The following KCNJ6 variants were observed in gnomAD, a reference collection of about 807,000 sequenced individuals.
KCNJ6 encodes the protein G protein-activated inward rectifier potassium channel 2.
In KCNJ6, 9 loss-of-function variants were observed where a neutral mutation model predicts 34.2. The ratio of observed to expected loss-of-function variants is 0.26; its 90% CI spans 0.16 to 0.46. The LOEUF is 0.46. Among genes scored for constraint, KCNJ6 ranks in the 20% least tolerant of loss-of-function variants. The probability of loss-of-function intolerance (pLI) is 1.00; values close to 1 mark genes in which losing one functional copy is unlikely to be tolerated. For synonymous variants in KCNJ6, 196 were observed against 207.1 expected, an observed-to-expected ratio of 0.95 and a Z score of 0.46; for missense variants, 236 against 531.3, an observed-to-expected ratio of 0.44 and a Z score of 5.46.
At chr21:37,643,100 T>A (rs1601400138) in intron 3 of KCNJ6, among the ~76,000 whole-genome samples, 1 of 152,170 alleles carries the variant, frequency 6.6e-6, no homozygotes, top group Non-Finnish European at 1.5e-5. Flanking sequence ...TAGGATCTTT[T>A]TGATGGACAA....
intron 2 of KCNJ6, among the ~76,000 whole-genome samples, chr21:37,718,017 T>C (rs1475139865): frequency 6.6e-6 from 1 of 152,190 alleles, no homozygotes; most frequent in Admixed American, 6.5e-5. Flanking sequence ...CTCTGGAAAG[T>C]CTGGGGGGAT....
At chr21:37,644,665 C>T (rs1453075285) in intron 3 of KCNJ6, among the ~76,000 whole-genome samples, 2 of 152,188 alleles carry the variant, frequency 1.3e-5, no homozygotes, top group African/African-American at 4.8e-5. Flanking sequence ...TACGCCTGGC[C>T]TAGCTATAGT....
intron 2 of KCNJ6, among the ~76,000 whole-genome samples, chr21:37,806,457 G>A (rs1400463782): frequency 6.6e-6 from 1 of 152,176 alleles, no homozygotes; most frequent in Non-Finnish European, 1.5e-5. Context: ...GACCTTGGAT[G>A]TCCAAGGTCA....
intron 2 of KCNJ6, among the ~76,000 whole-genome samples, chr21:37,766,476 C>A (rs1488384705): frequency 2.6e-5 from 4 of 152,094 alleles, no homozygotes; most frequent in Non-Finnish European, 5.9e-5. Context: ...CCCATTGTAG[C>A]CCATCTACAG....
chr21:37,831,186 G>C (rs1347767170), intron 2 of KCNJ6, among the ~76,000 whole-genome samples: 1 of 152,206 alleles, frequency 6.6e-6, no homozygotes, highest in East Asian at 1.9e-4. Flanking sequence ...TTATCCTTGA[G>C]TTTAAAAGAT....
At chr21:37,661,138 C>T (rs1479156754) in intron 3 of KCNJ6, among the ~76,000 whole-genome samples, 1 of 152,258 alleles carries the variant, frequency 6.6e-6, no homozygotes, top group East Asian at 1.9e-4. Flanking sequence ...CTAAAAGAGG[C>T]TTTTCTAACT....
chr21:37,765,209 T>C (rs1483821370), intron 2 of KCNJ6, among the ~76,000 whole-genome samples: 2 of 152,256 alleles, frequency 1.3e-5, no homozygotes, highest in African/African-American at 2.4e-5. Flanking sequence ...AAACACTTCA[T>C]ATGACATGCC....
At chr21:37,782,910 G>A (rs2055176347) in intron 2 of KCNJ6, among the ~76,000 whole-genome samples, 1 of 152,104 alleles carries the variant, frequency 6.6e-6, no homozygotes, top group East Asian at 1.9e-4. Flanking sequence ...AAATTACATG[G>A]TTGCCCCATC....
chr21:37,835,610 C>T (rs2055447763), intron 2 of KCNJ6, among the ~76,000 whole-genome samples: 1 of 152,216 alleles, frequency 6.6e-6, no homozygotes, highest in South Asian at 2.1e-4. Context: ...CTGGACATCT[C>T]CAATTTGTCA....
intron 3 of KCNJ6, among the ~76,000 whole-genome samples, chr21:37,651,983 T>C (rs1241399465): frequency 6.6e-6 from 1 of 152,076 alleles, no homozygotes; most frequent in African/African-American, 2.4e-5. Flanking sequence ...AGGTTAGAGG[T>C]AAATTTGGGA....
intron 1 of KCNJ6, 68 bp downstream of exon 1, chr21:37,915,816 G>C (rs1055831570): frequency 6.6e-6 from 1 of 152,282 alleles, no homozygotes; most frequent in Non-Finnish European, 1.5e-5. Context: ...GGGGACCCGA[G>C]AGCACGGAAC....
intron 2 of KCNJ6, among the ~76,000 whole-genome samples, chr21:37,817,432 TATTA>T (rs1432859999): frequency 1.3e-5 from 2 of 152,154 alleles, no homozygotes; most frequent in African/African-American, 4.8e-5. Context: ...AATACTGACA[TATTA>T]ATTTTGTTTT....
intron 2 of KCNJ6, among the ~76,000 whole-genome samples, chr21:37,736,768 G>A (rs182627877): frequency 3.3e-5 from 5 of 152,310 alleles, no homozygotes; most frequent in Middle Eastern, 3.4e-3. Context: ...AGCCTGCAGC[G>A]CTGACAACCA....
At chr21:37,783,159 A>C (rs2055177497) in intron 2 of KCNJ6, among the ~76,000 whole-genome samples, 1 of 152,152 alleles carries the variant, frequency 6.6e-6, no homozygotes, top group Admixed American at 6.5e-5. Flanking sequence ...TCCTGACTTC[A>C]CCCAGCGATG....
intron 3 of KCNJ6, among the ~76,000 whole-genome samples, chr21:37,664,997 C>T (rs940820948): frequency 2.0e-5 from 3 of 151,878 alleles, no homozygotes; most frequent in East Asian, 3.9e-4. Context: ...GGGGTTTCAC[C>T]GTGTTAGCCA....
At chr21:37,845,271 G>GA (rs777790101) in intron 1 of KCNJ6, among the ~76,000 whole-genome samples, 6 of 152,286 alleles carry the variant, frequency 3.9e-5, no homozygotes, top group South Asian at 2.1e-4. Flanking sequence ...CTTTTAAAAT[G>GA]AAAAGAAAAT....
intron 2 of KCNJ6, among the ~76,000 whole-genome samples, chr21:37,807,960 G>A (rs1020624149): frequency 6.6e-6 from 1 of 152,122 alleles, no homozygotes; most frequent in Non-Finnish European, 1.5e-5. Flanking sequence ...GCATGTCCTG[G>A]TGTGACATGC....
intron 3 of KCNJ6, among the ~76,000 whole-genome samples, chr21:37,646,779 T>G (rs56283410): frequency 0.11 from 16,990 of 151,030 alleles, 1,396 homozygotes; most frequent in African/African-American, 0.23. Context: ...CACGGCATTC[T>G]CCTGCCTCAG....
chr21:37,834,666 TG>T (rs1267073413), intron 2 of KCNJ6, among the ~76,000 whole-genome samples: 1 of 152,242 alleles, frequency 6.6e-6, no homozygotes, highest in East Asian at 1.9e-4. Context: ...GCTAATTTAA[TG>T]TGTGGTGATT....
Sources: allele counts gnomAD v4.1 joint callset (sites outside exome capture counted in the v4.1 genomes callset), GRCh38; gene constraint gnomAD v4.1.1; transcripts MANE v1.5; gene names NCBI Gene and HGNC (gene_info 2026-07-23, HGNC 2026-07-21).